Variants in FGF14 observed in about 807,000 individuals in gnomAD.
FGF14 encodes the protein fibroblast growth factor homologous factor 4.
FGF14 carries 5 observed loss-of-function variants against 25.5 expected under a neutral mutation model. That is an observed-to-expected ratio of 0.20 (90% confidence interval 0.10 to 0.41). The LOEUF (loss-of-function observed/expected upper bound fraction) is 0.41. Ranked by LOEUF, FGF14 falls within the 10% of genes least tolerant of loss-of-function variation. The pLI is 1.00. For synonymous variants in FGF14, 138 were observed against 118.3 expected (o/e 1.17, Z -1.08); for missense variants, 222 against 320.1 (o/e 0.69, Z 2.34).
intron 1 of FGF14, among the ~76,000 whole-genome samples, chr13:102,145,886 G>C (rs564232742): frequency 2.6e-4 from 40 of 152,208 alleles, no homozygotes; most frequent in African/African-American, 9.1e-4. Context: ...TACTATGAAA[G>C]AAACAAACCA....
At chr13:101,777,746 G>A (rs1045308558) in intron 3 of FGF14, among the ~76,000 whole-genome samples, 2 of 152,102 alleles carry the variant, frequency 1.3e-5, no homozygotes, top group Admixed American at 6.6e-5. Flanking sequence ...TGGATCACCC[G>A]AGGTCAGGAG....
chr13:102,175,363 T>C (rs950221519), intron 1 of FGF14, among the ~76,000 whole-genome samples: 18 of 152,030 alleles, frequency 1.2e-4, no homozygotes, highest in African/African-American at 4.3e-4. Context: ...ATTAAATAAA[T>C]GGTGCTGGGA....
rs79370881 is a variant in FGF14, at chr13:101,873,571, C to G, written c.304+1615G>C. The stretch of plus-strand genomic sequence containing the variant: ...ACTGAAGACATCAGAAATTATGAAT[C>G]GCTAAACTTTGTGACCTACACAACA... On this transcript the variant is annotated intron_variant, in intron 2 of 4. Transcript: ENST00000376143. Among the ~76,000 whole-genome samples the G allele has an allele frequency of 1.7e-3, 257 of 152,092 alleles. 5 individuals carry two copies. The East Asian group carries it at 0.042, about 25-fold the overall frequency.
At chr13:102,075,777 T>C (rs1042287526) in intron 1 of FGF14, among the ~76,000 whole-genome samples, 1 of 152,152 alleles carries the variant, frequency 6.6e-6, no homozygotes, top group African/African-American at 2.4e-5. Context: ...TCCCGAAAAC[T>C]TTCCAGTGGG....
At chr13:102,399,187 G>C in intron 1 of FGF14, among the ~76,000 whole-genome samples, 1 of 152,006 alleles carries the variant, frequency 6.6e-6, no homozygotes. Context: ...ATTGTGACTC[G>C]TGTATAGGGA....
intron 2 of FGF14, among the ~76,000 whole-genome samples, chr13:101,872,763 T>C (rs1196730114): frequency 6.6e-6 from 1 of 152,110 alleles, no homozygotes; most frequent in East Asian, 1.9e-4. Flanking sequence ...TCTTTGCAAA[T>C]GTTGAAATAG....
intron 1 of FGF14, among the ~76,000 whole-genome samples, chr13:102,267,913 G>T (rs2053066877): frequency 6.6e-6 from 1 of 151,862 alleles, no homozygotes; most frequent in Non-Finnish European, 1.5e-5. Context: ...ACTAAAAGAA[G>T]CTGGTTAGGT....
chr13:102,238,659 A>C (rs987567432), intron 1 of FGF14, among the ~76,000 whole-genome samples: 4 of 152,266 alleles, frequency 2.6e-5, no homozygotes, highest in Non-Finnish European at 5.9e-5. Context: ...AAGAAGGCAG[A>C]TTCAAAGTAT....
intron 1 of FGF14, among the ~76,000 whole-genome samples, chr13:102,097,689 C>G (rs1379378104): frequency 1.3e-5 from 2 of 152,148 alleles, no homozygotes; most frequent in Non-Finnish European, 2.9e-5. Flanking sequence ...ACGAGTTTGT[C>G]ATTTTTCCAT....
At chr13:102,247,393 A>T (rs2051930792) in intron 1 of FGF14, among the ~76,000 whole-genome samples, 1 of 152,006 alleles carries the variant, frequency 6.6e-6, no homozygotes, top group Non-Finnish European at 1.5e-5. Flanking sequence ...AAGAAAAAAA[A>T]ATCAAACAAC....
intron 1 of FGF14, among the ~76,000 whole-genome samples, chr13:101,930,952 C>T (rs2034712159): frequency 1.3e-5 from 2 of 152,168 alleles, no homozygotes; most frequent in South Asian, 4.1e-4. Context: ...AACAAATTTA[C>T]CCCTCTCCTT....
At chr13:102,256,758 T>C (rs1380551869) in intron 1 of FGF14, among the ~76,000 whole-genome samples, 5 of 152,204 alleles carry the variant, frequency 3.3e-5, no homozygotes. Flanking sequence ...ATGGGTGACA[T>C]TGCTTGATTT....
At chr13:102,031,425 G>A (rs1221404831) in intron 1 of FGF14, among the ~76,000 whole-genome samples, 1 of 152,016 alleles carries the variant, frequency 6.6e-6, no homozygotes, top group Non-Finnish European at 1.5e-5. Flanking sequence ...CATTCGTACA[G>A]CTAGTGCTGG....
chr13:102,103,102 T>G (rs1335452768), intron 1 of FGF14, among the ~76,000 whole-genome samples: 3 of 152,138 alleles, frequency 2.0e-5, no homozygotes, highest in African/African-American at 7.2e-5. Flanking sequence ...TGAAATTTGC[T>G]GAGGGAGAGA....
At chr13:102,269,875 A>C (rs9554862) in intron 1 of FGF14, among the ~76,000 whole-genome samples, 21,916 of 152,034 alleles carry the variant, frequency 0.14, 1,761 homozygotes, top group East Asian at 0.39. Flanking sequence ...CATAGATACC[A>C]TCTGTTTGGA....
At chr13:102,303,456 A>G (rs2055189005) in intron 1 of FGF14, among the ~76,000 whole-genome samples, 1 of 152,232 alleles carries the variant, frequency 6.6e-6, no homozygotes, top group Non-Finnish European at 1.5e-5. Flanking sequence ...CTATAAATAA[A>G]AGGAAATCAA....
chr13:102,177,956 C>T (rs1191896714), intron 1 of FGF14, among the ~76,000 whole-genome samples: 1 of 152,010 alleles, frequency 6.6e-6, no homozygotes, highest in Non-Finnish European at 1.5e-5. Context: ...TCATTCAGCA[C>T]ATAGCACATG....
At chr13:102,322,881 C>T (rs1242459996) in intron 1 of FGF14, among the ~76,000 whole-genome samples, 1 of 151,072 alleles carries the variant, frequency 6.6e-6, no homozygotes, top group Non-Finnish European at 1.5e-5. Context: ...CCAAACTTAA[C>T]ATTAAAAAAA....
intron 1 of FGF14, among the ~76,000 whole-genome samples, chr13:102,362,615 C>T (rs1314984332): frequency 1.3e-5 from 2 of 152,134 alleles, no homozygotes; most frequent in African/African-American, 4.8e-5. Context: ...TCAGCTGTTA[C>T]CTCTATGTAC....
Sources: gnomAD v4.1 joint callset for allele counts (sites outside exome capture counted in the v4.1 genomes callset) on GRCh38, gnomAD v4.1.1 for gene constraint, MANE v1.5 for transcripts, NCBI Gene and HGNC (gene_info 2026-07-23, HGNC 2026-07-21) for gene names.